The following ARHGAP15 variants were observed in gnomAD, a reference collection of about 807,000 sequenced individuals.
The protein encoded by ARHGAP15 is rho GTPase-activating protein 15.
Under a neutral mutation model 63.7 loss-of-function variants are expected in ARHGAP15, and 51 were observed. The observed-to-expected ratio is 0.80, with a 90% CI of 0.64 to 1.01. The LOEUF is 1.01. Among genes scored for constraint, ARHGAP15 ranks in the 50% least tolerant of loss-of-function variants. The probability of loss-of-function intolerance (pLI) is 0.00; values close to 1 mark genes in which losing one functional copy is unlikely to be tolerated. For synonymous variants in ARHGAP15, 191 were observed against 193.8 expected (o/e 0.99, Z 0.12); for missense variants, 560 against 564.6 (o/e 0.99, Z 0.08).
chr2:143,496,337 A>G (rs1692814855), intron 9 of ARHGAP15, among the ~76,000 whole-genome samples: 1 of 152,192 alleles, frequency 6.6e-6, no homozygotes, highest in Non-Finnish European at 1.5e-5. Context: ...GAAACAATCC[A>G]GGTCTTGTGA....
chr2:143,746,640 A>G (rs960896282), intron 13 of ARHGAP15, among the ~76,000 whole-genome samples: 1 of 152,238 alleles, frequency 6.6e-6, no homozygotes, highest in Non-Finnish European at 1.5e-5. Context: ...ATAGGAGGAA[A>G]GCTGAAGGTA....
chr2:143,579,142 T>A (rs1696791519), intron 11 of ARHGAP15, among the ~76,000 whole-genome samples: 1 of 152,292 alleles, frequency 6.6e-6, no homozygotes, highest in African/African-American at 2.4e-5. Flanking sequence ...AACTGTATTA[T>A]GATTGTGTAT....
At chr2:143,648,486 A>G (rs935309954) in intron 12 of ARHGAP15, among the ~76,000 whole-genome samples, 6 of 152,014 alleles carry the variant, frequency 3.9e-5, no homozygotes, top group Non-Finnish European at 7.4e-5. Context: ...CGTGAACTCA[A>G]GAGAATAAAC....
intron 6 of ARHGAP15, among the ~76,000 whole-genome samples, chr2:143,284,917 CTTTG>C (rs2105095978): frequency 6.6e-6 from 1 of 152,214 alleles, no homozygotes; most frequent in African/African-American, 2.4e-5. Context: ...CAAATTCTTA[CTTTG>C]TTCTGTTTTT....
intron 13 of ARHGAP15, among the ~76,000 whole-genome samples, chr2:143,747,856 A>G (rs189555229): frequency 2.6e-5 from 4 of 152,324 alleles, no homozygotes; most frequent in Admixed American, 6.5e-5. Flanking sequence ...TTTAACCAAC[A>G]TATTTCTCAG....
intron 6 of ARHGAP15, among the ~76,000 whole-genome samples, chr2:143,267,763 T>C (rs1681069795): frequency 6.6e-6 from 1 of 152,202 alleles, no homozygotes. Context: ...GTTTTTGGCA[T>C]GTTGGGAAAT....
chr2:143,400,410 A>G (rs57479035), intron 6 of ARHGAP15, among the ~76,000 whole-genome samples: 8,112 of 152,000 alleles, frequency 0.053, 294 homozygotes, highest in East Asian at 0.14. Flanking sequence ...AGAGTTATCT[A>G]GTTGTTTGTT....
At chr2:143,572,099 T>C (rs572843439) in intron 11 of ARHGAP15, 3 of 152,424 alleles carry the variant, frequency 2.0e-5, no homozygotes, top group Admixed American at 2.0e-4. Context: ...GACTGTTAGA[T>C]GCTGGAGACT....
chr2:143,409,715 A>T (rs1034378362), intron 6 of ARHGAP15, among the ~76,000 whole-genome samples: 1 of 152,122 alleles, frequency 6.6e-6, no homozygotes, highest in Admixed American at 6.5e-5. Flanking sequence ...ATACACAAAT[A>T]CTTACCATTA....
intron 1 of ARHGAP15, among the ~76,000 whole-genome samples, chr2:143,147,011 C>T (rs981010170): frequency 4.6e-5 from 7 of 152,046 alleles, no homozygotes; most frequent in African/African-American, 1.7e-4. Flanking sequence ...TAGTGATAGC[C>T]TGGCATAACT....
intron 10 of ARHGAP15, among the ~76,000 whole-genome samples, chr2:143,548,849 A>G (rs1695440180): frequency 6.6e-6 from 1 of 152,118 alleles, no homozygotes; most frequent in African/African-American, 2.4e-5. Flanking sequence ...AGGAAGGTAG[A>G]ACAAAAAACC....
rs375829749 is a variant in ARHGAP15, at chr2:143,272,602, G to A, written c.474+22002G>A. On this transcript the variant is annotated intron_variant, in intron 6 of 13. Transcript: ENST00000295095. ...CAGGAGACAGAGATTGCAGTGAGCC[G>A]AAATTGCGCCACTGCACTCCAGCCT... 1.8e-4 allele frequency among the ~76,000 whole-genome samples: 27 copies of A among 152,230 alleles called. No homozygotes were observed. In the East Asian group the frequency reaches 4.1e-3, roughly 23 times the overall value.
intron 2 of ARHGAP15, among the ~76,000 whole-genome samples, chr2:143,190,401 A>C (rs1385977191): frequency 2.0e-5 from 3 of 151,738 alleles, no homozygotes; most frequent in Non-Finnish European, 4.4e-5. Flanking sequence ...GCTAGAGAAG[A>C]CTCCTCCAAT....
intron 13 of ARHGAP15, among the ~76,000 whole-genome samples, chr2:143,716,575 G>A (rs1453076990): frequency 6.6e-6 from 1 of 152,018 alleles, no homozygotes; most frequent in East Asian, 1.9e-4. Context: ...AAATCACCTT[G>A]ACTTAAAAAG....
At chr2:143,422,142 C>T (rs192390363) in intron 6 of ARHGAP15, among the ~76,000 whole-genome samples, 1 of 152,192 alleles carries the variant, frequency 6.6e-6, no homozygotes, top group East Asian at 1.9e-4. Context: ...GGATGAAACT[C>T]AGTGAAATAT....
chr2:143,642,406 T>C (rs1339781182), intron 12 of ARHGAP15, among the ~76,000 whole-genome samples: 1 of 152,122 alleles, frequency 6.6e-6, no homozygotes, highest in African/African-American at 2.4e-5. Context: ...AGATGTTGAT[T>C]CATTATGCCT....
intron 11 of ARHGAP15, among the ~76,000 whole-genome samples, chr2:143,583,044 G>T (rs1338242753): frequency 6.6e-6 from 1 of 152,166 alleles, no homozygotes; most frequent in Non-Finnish European, 1.5e-5. Flanking sequence ...GCTACGTCTA[G>T]TGCAGGGAAA....
intron 11 of ARHGAP15, among the ~76,000 whole-genome samples, chr2:143,615,401 T>C (rs544443436): frequency 1.3e-5 from 2 of 152,274 alleles, no homozygotes; most frequent in Admixed American, 1.3e-4. Flanking sequence ...CCTACACATA[T>C]CACCAACATA....
intron 11 of ARHGAP15, among the ~76,000 whole-genome samples, chr2:143,573,031 A>G (rs956039762): frequency 1.3e-5 from 2 of 152,190 alleles, no homozygotes; most frequent in Non-Finnish European, 2.9e-5. Flanking sequence ...TGTTTATAGA[A>G]GAAACAATAT....
Sources: gnomAD v4.1 joint callset for allele counts (sites outside exome capture counted in the v4.1 genomes callset) on GRCh38, gnomAD v4.1.1 for gene constraint, MANE v1.5 for transcripts, NCBI Gene and HGNC (gene_info 2026-07-23, HGNC 2026-07-21) for gene names.